Variants in PADI4 observed in about 807,000 individuals in gnomAD.
PADI4 encodes the protein protein-arginine deiminase type-4.
A neutral mutation model predicts 75.0 loss-of-function variants in PADI4; 62 were observed. The ratio of observed to expected loss-of-function variants is 0.83; its 90% CI spans 0.67 to 1.02. The LOEUF (loss-of-function observed/expected upper bound fraction) is 1.02. PADI4 is among the 50% of genes least tolerant of loss of function. PADI4 has a pLI of 0.00. For missense variants in PADI4, 845 were observed against 850.5 expected (o/e 0.99, Z 0.08); for synonymous variants, 361 against 348.1 (o/e 1.04, Z -0.41).
intron 1 of PADI4, among the ~76,000 whole-genome samples, chr1:17,330,082 G>A (rs562136670): frequency 6.6e-5 from 10 of 152,328 alleles, no homozygotes; most frequent in East Asian, 3.9e-4. Flanking sequence ...ACAATCCTGC[G>A]TGTGCACAGT....
chr1:17,342,348 C>A lies in PADI4; in HGVS notation c.881C>A (p.Ala294Glu). The change falls in exon 8 of 16, where the codon GCG becomes GAG. Residue 294 changes from alanine to glutamate, a missense_variant. Transcript: ENST00000375448. ...CAAGACAGCGTGGTCTTCCGCGTGG[C>A]GCCCTGGATCATGACCCCCAACACC... is the stretch of plus-strand genomic sequence containing the variant. ...VFQDSVVFRV[A>E]PWIMTPNTQP... 1.2e-6 allele frequency: 2 copies of A among 1,613,894 alleles called. No homozygotes were observed. The highest frequency in any genetic ancestry group is 2.7e-5 in the African/African-American group (2 of 75,024).
chr1:17,363,631 TG>T lies in PADI4; in HGVS notation c.1871del (p.Gly624AlafsTer102), dbSNP rs1266185384. On this transcript the variant is annotated frameshift_variant, in exon 16 of 16. Transcript: ENST00000375448. LOFTEE classifies it high-confidence loss of function. ...AAGGTGTGTTCCCTGCTGGAGCCAC[TG>T]GGCCTCCAGTGCACCTTCATCAACG... is the stretch of plus-strand genomic sequence containing the variant. ...EEKVCSLLEP[L>X]GLQCTFINDF... 6.2e-7 allele frequency: 1 copy of T among 1,613,840 alleles called. No individual in the cohort carries two copies. Among genetic ancestry groups the T allele is most frequent in the Non-Finnish European group, 8.5e-7 (1 of 1,179,788 alleles).
rs1053783171 is a variant in PADI4 at position 17,363,874 on chromosome 1, A to T, written c.*119A>T. 1.5e-5 allele frequency: 10 copies of T among 657,618 alleles called. No individual in the cohort carries two copies. The African/African-American group carries it at 1.8e-4, about 12-fold the overall frequency. The allele number at this position is 657,618 out of a possible 1,614,324, so 40.7% of individuals were successfully genotyped here. A position where few individuals can be genotyped will look rare whatever the true frequency, so the allele number is the denominator to read the frequency against. The stretch of plus-strand genomic sequence containing the variant: ...CCTGGGGGCGGCCAGCCCTCCCAGC[A>T]GTGGCTTGCTTTCTTCTCCTGTGAT... On this transcript the variant is annotated 3_prime_UTR_variant, in exon 16 of 16. Transcript: ENST00000375448.
chr1:17,331,083 C>G lies in PADI4; in HGVS notation c.207C>G (p.Pro69=). Residue 69 remains proline (P), a synonymous_variant, in exon 2 of 16, where the codon CCC becomes CCG. Coordinates refer to ENST00000375448, the MANE Select transcript of PADI4 (RefSeq NM_012387.3). ...AATCCACAGGTTCCTCCACATGGCC[C>G]CTGGACCCTGGGGTAGAGGTGACCC... ...KKKSTGSSTW[P]LDPGVEVTLT... is the part of the protein sequence containing the mutation. 6.2e-7 allele frequency: 1 copy of G among 1,612,564 alleles called. No homozygotes were observed. The highest frequency in any genetic ancestry group is 1.1e-5 in the South Asian group (1 of 90,754).
At chr1:17,361,574 A>T (rs1278991075) in intron 15 of PADI4, among the ~76,000 whole-genome samples, 1 of 152,232 alleles carries the variant, frequency 6.6e-6, no homozygotes, top group East Asian at 1.9e-4. Context: ...CTGTGCATCT[A>T]CTGTGTGCCA....
chr1:17,333,897 T>G, intron 2 of PADI4, 46 bp from the exon 3 acceptor site: 1 of 1,445,304 alleles, frequency 6.9e-7, no homozygotes, highest in Non-Finnish European at 9.7e-7. Context: ...CAGTGGGTGT[T>G]TGTTGAATGA....
intron 1 of PADI4, among the ~76,000 whole-genome samples, chr1:17,308,936 G>C (rs2073726385): frequency 6.6e-6 from 1 of 152,018 alleles, no homozygotes; most frequent in African/African-American, 2.4e-5. Flanking sequence ...GCAGATGTTG[G>C]CTGAGTACTT....
At chr1:17,311,816 C>T (rs1163432045) in intron 1 of PADI4, among the ~76,000 whole-genome samples, 1 of 152,148 alleles carries the variant, frequency 6.6e-6, no homozygotes, top group Non-Finnish European at 1.5e-5. Flanking sequence ...TGAGCCACCG[C>T]GCCCAGCCGG....
intron 2 of PADI4, among the ~76,000 whole-genome samples, chr1:17,333,442 G>C (rs2100710222): frequency 6.6e-6 from 1 of 151,978 alleles, no homozygotes; most frequent in East Asian, 1.9e-4. Context: ...CTGAACCTTG[G>C]GCACAGTGGA....
At chr1:17,348,136 G>C (rs192760064) in intron 10 of PADI4, 88 bp downstream of exon 10, 3 of 804,956 alleles carry the variant, frequency 3.7e-6, no homozygotes, top group Non-Finnish European at 6.4e-6. Flanking sequence ...CCCCGCCCGC[G>C]CCTGTAGCTG....
chr1:17,341,488 T>A (rs987848998), intron 6 of PADI4, among the ~76,000 whole-genome samples: 2 of 152,190 alleles, frequency 1.3e-5, no homozygotes, highest in Non-Finnish European at 2.9e-5. Flanking sequence ...TCCAGGAAGT[T>A]CTCAGGGATT....
intron 10 of PADI4, among the ~76,000 whole-genome samples, chr1:17,352,174 GTA>G (rs2074669034): frequency 1.3e-5 from 2 of 150,876 alleles, no homozygotes; most frequent in African/African-American, 4.9e-5. Flanking sequence ...ATGAGAGGTG[GTA>G]GGAGAGGCGG....
chr1:17,336,305 C>A, intron 4 of PADI4, 79 bp downstream of exon 4: 2 of 981,468 alleles, frequency 2.0e-6, no homozygotes, highest in Non-Finnish European at 3.3e-6. Flanking sequence ...GGGGCAAATG[C>A]TGGCCTGTCC....
intron 3 of PADI4, among the ~76,000 whole-genome samples, chr1:17,335,567 T>C (rs1023233085): frequency 5.9e-5 from 9 of 152,226 alleles, no homozygotes; most frequent in East Asian, 1.9e-4. Context: ...ATCTATTTTA[T>C]TGGAATGACC....
chr1:17,341,598 C>G (rs2074419377), intron 6 of PADI4, among the ~76,000 whole-genome samples: 1 of 152,220 alleles, frequency 6.6e-6, no homozygotes, highest in Admixed American at 6.5e-5. Flanking sequence ...AGGACAGTGA[C>G]TCTGTCTCCC....
At position 17,313,235 on chromosome 1, in the gene PADI4, C is replaced by T. The variant is rs573763986; in HGVS notation, c.92+4921C>T. On this transcript the variant is annotated intron_variant, in intron 1 of 15. Transcript: ENST00000375448. ...AACAATGGGGCCAGGCGTGGTAGCT[C>T]ATGCCTGTAATCCCAACACTTTGGG... Among the ~76,000 whole-genome samples, 5 of 151,922 alleles carry T rather than the reference C, an allele frequency of 3.3e-5. No individual in the cohort carries two copies. In the South Asian group the frequency reaches 8.3e-4, roughly 25 times the overall value.
chr1:17,312,041 A>G (rs1011220232), intron 1 of PADI4, among the ~76,000 whole-genome samples: 6 of 152,224 alleles, frequency 3.9e-5, no homozygotes, highest in African/African-American at 1.2e-4. Flanking sequence ...GTGAGTGTCA[A>G]TCATTTTCAG....
chr1:17,347,898 C>G, intron 9 of PADI4, 43 bp from the exon 10 acceptor site: 2 of 1,197,498 alleles, frequency 1.7e-6, no homozygotes, highest in Non-Finnish European at 2.4e-6. Context: ...CACCAAGACC[C>G]AGGCAGCACG....
chr1:17,345,433 G>A (rs753376398), intron 8 of PADI4, among the ~76,000 whole-genome samples: 18 of 152,200 alleles, frequency 1.2e-4, no homozygotes, highest in African/African-American at 3.6e-4. Context: ...GTTTTGAAAT[G>A]TGAGGATATA....
Sources: gnomAD v4.1 joint callset for allele counts (sites outside exome capture counted in the v4.1 genomes callset) on GRCh38, gnomAD v4.1.1 for gene constraint, MANE v1.5 for transcripts, NCBI Gene and HGNC (gene_info 2026-07-23, HGNC 2026-07-21) for gene names.